The following EPHB1 variants were observed in gnomAD, a reference collection of about 807,000 sequenced individuals.
EPHB1 encodes the protein ephrin type-B receptor 1.
In EPHB1, 30 loss-of-function variants were observed where a neutral mutation model predicts 94.4. The ratio of observed to expected loss-of-function variants is 0.32; its 90% CI spans 0.24 to 0.43. EPHB1 has a LOEUF of 0.43. EPHB1 is among the 20% of genes least tolerant of loss of function. The pLI is 1.00. For missense variants in EPHB1, 1,055 were observed against 1,308.3 expected, an observed-to-expected ratio of 0.81 and a Z score of 2.99; for synonymous variants, 522 against 489.1, an observed-to-expected ratio of 1.07 and a Z score of -0.89.
chr3:135,014,583 T>A (rs1935730558), intron 3 of EPHB1, among the ~76,000 whole-genome samples: 1 of 152,170 alleles, frequency 6.6e-6, no homozygotes, highest in Admixed American at 6.5e-5. Flanking sequence ...GGCTATTGAG[T>A]GTGTGCTGGT....
chr3:135,033,968 G>A (rs907015142), intron 3 of EPHB1, among the ~76,000 whole-genome samples: 40 of 152,064 alleles, frequency 2.6e-4, no homozygotes, highest in Middle Eastern at 3.4e-3. Flanking sequence ...TGTGCTGCAC[G>A]GTCTCCCTCA....
chr3:135,104,442 T>C (rs1939138703), intron 3 of EPHB1, among the ~76,000 whole-genome samples: 1 of 152,194 alleles, frequency 6.6e-6, no homozygotes, highest in Non-Finnish European at 1.5e-5. Context: ...CTTTTTTTCT[T>C]TCTACAGAGA....
At chr3:134,885,688 CT>C (rs149913387) in intron 1 of EPHB1, among the ~76,000 whole-genome samples, 9,535 of 152,296 alleles carry the variant, frequency 0.063, 334 homozygotes, top group South Asian at 0.15. Flanking sequence ...ATTTGGAAAA[CT>C]TCTGGGTCAA....
chr3:135,060,051 G>C (rs758345170), intron 3 of EPHB1, among the ~76,000 whole-genome samples: 2 of 152,186 alleles, frequency 1.3e-5, no homozygotes, highest in African/African-American at 4.8e-5. Flanking sequence ...TATATTTAAC[G>C]TACTGTAAAA....
chr3:134,975,818 G>T (rs16842415), intron 3 of EPHB1, among the ~76,000 whole-genome samples: 44,823 of 151,678 alleles, frequency 0.3, 7,470 homozygotes, highest in African/African-American at 0.44. Flanking sequence ...GCCTCCTAAA[G>T]GGCATGTGCA....
At chr3:134,913,138 C>T (rs1039592939) in intron 1 of EPHB1, among the ~76,000 whole-genome samples, 4 of 152,174 alleles carry the variant, frequency 2.6e-5, no homozygotes, top group African/African-American at 4.8e-5. Flanking sequence ...TAGTCGCCCC[C>T]GTCCATCAGT....
intron 9 of EPHB1, among the ~76,000 whole-genome samples, chr3:135,178,691 G>A (rs1436305451): frequency 3.3e-5 from 5 of 152,046 alleles, no homozygotes; most frequent in Admixed American, 6.6e-5. Flanking sequence ...ATGAAGAGGG[G>A]GGAGGTGCTA....
chr3:134,856,902 G>A (rs1247270424), intron 1 of EPHB1, among the ~76,000 whole-genome samples: 2 of 152,240 alleles, frequency 1.3e-5, no homozygotes, highest in African/African-American at 4.8e-5. Context: ...AGACAAGGAG[G>A]AAGGTTGTAA....
intron 3 of EPHB1, among the ~76,000 whole-genome samples, chr3:135,019,296 C>T (rs1935910741): frequency 6.6e-6 from 1 of 152,062 alleles, no homozygotes; most frequent in Non-Finnish European, 1.5e-5. Flanking sequence ...TATCTGGGGT[C>T]CCTTAGGCTG....
intron 1 of EPHB1, among the ~76,000 whole-genome samples, chr3:134,848,546 A>G (rs554098977): frequency 2.4e-4 from 36 of 152,364 alleles, no homozygotes; most frequent in Middle Eastern, 3.4e-3. Context: ...TAAACACCCC[A>G]TTTATCATCA....
intron 12 of EPHB1, among the ~76,000 whole-genome samples, chr3:135,210,791 C>T (rs927793887): frequency 1.3e-5 from 2 of 152,208 alleles, no homozygotes; most frequent in Non-Finnish European, 2.9e-5. Flanking sequence ...GTGTGCCAGA[C>T]TCCCTGCTCA....
chr3:135,241,516 G>A (rs1192511884), intron 13 of EPHB1, among the ~76,000 whole-genome samples: 1 of 152,230 alleles, frequency 6.6e-6, no homozygotes, highest in East Asian at 1.9e-4. Flanking sequence ...AGCCTGTAGA[G>A]GTGCCAAGGC....
At chr3:135,066,991 G>A (rs1315908265) in intron 3 of EPHB1, among the ~76,000 whole-genome samples, 1 of 152,208 alleles carries the variant, frequency 6.6e-6, no homozygotes, top group African/African-American at 2.4e-5. Flanking sequence ...AAGTCTACCA[G>A]GCTCTGGGCT....
At chr3:135,253,536 T>G (rs1933225255) in intron 15 of EPHB1, among the ~76,000 whole-genome samples, 1 of 151,764 alleles carries the variant, frequency 6.6e-6, no homozygotes, top group Non-Finnish European at 1.5e-5. Flanking sequence ...TATGCGGCAT[T>G]ATTTCTGAGG....
intron 3 of EPHB1, among the ~76,000 whole-genome samples, chr3:135,005,084 G>A (rs1028093822): frequency 8.7e-4 from 132 of 152,256 alleles, no homozygotes; most frequent in African/African-American, 2.9e-3. Flanking sequence ...CCCCATCTTT[G>A]TGGTTTTATC....
intron 1 of EPHB1, among the ~76,000 whole-genome samples, chr3:134,888,111 T>C (rs1362369300): frequency 6.6e-6 from 1 of 152,176 alleles, no homozygotes; most frequent in Admixed American, 6.5e-5. Context: ...CGAGGCAAGC[T>C]GAGCAGAGGG....
chr3:134,809,569 G>A (rs537608597), intron 1 of EPHB1, among the ~76,000 whole-genome samples: 2 of 152,232 alleles, frequency 1.3e-5, no homozygotes, highest in South Asian at 4.1e-4. Context: ...TGGTTCCTTA[G>A]CAACTATCAT....
At chr3:135,099,615 G>A (rs1311124536) in intron 3 of EPHB1, among the ~76,000 whole-genome samples, 1 of 152,190 alleles carries the variant, frequency 6.6e-6, no homozygotes, top group Non-Finnish European at 1.5e-5. Context: ...TTTCAGAGCT[G>A]GGAACCTATT....
chr3:135,249,675 G>C (rs1021517260), intron 15 of EPHB1, among the ~76,000 whole-genome samples, 184 bp downstream of exon 15: 1 of 152,150 alleles, frequency 6.6e-6, no homozygotes, highest in Non-Finnish European at 1.5e-5. Context: ...ATGGGGAGGT[G>C]GAGATCCACT....
Sources: allele counts gnomAD v4.1 joint callset (sites outside exome capture counted in the v4.1 genomes callset), GRCh38; gene constraint gnomAD v4.1.1; transcripts MANE v1.5; gene names NCBI Gene and HGNC (gene_info 2026-07-23, HGNC 2026-07-21).